ATP2B2: variants seen among roughly 807,000 people sequenced by gnomAD.
The protein encoded by ATP2B2 is plasma membrane calcium-transporting ATPase 2.
Under a neutral mutation model 120.0 loss-of-function variants are expected in ATP2B2, and 15 were observed. The ratio of observed to expected loss-of-function variants is 0.12; its 90% CI spans 0.08 to 0.19. The LOEUF is 0.19. Among genes scored for constraint, ATP2B2 ranks in the 10% least tolerant of loss-of-function variants. The pLI, the probability that ATP2B2 is intolerant of heterozygous loss-of-function variation, is 1.00. For synonymous variants in ATP2B2, 694 were observed against 700.3 expected (o/e 0.99, Z 0.14); for missense variants, 1,045 against 1,719.8 (o/e 0.61, Z 6.94).
At chr3:10,565,040 T>G (rs74727127) in intron 2 of ATP2B2, among the ~76,000 whole-genome samples, 161 of 152,052 alleles carry the variant, frequency 1.1e-3, no homozygotes, top group Admixed American at 2.7e-3. Context: ...CACTGGGGGG[T>G]GTGTGTCTTC....
chr3:10,645,417 G>A (rs559261380), intron 1 of ATP2B2, among the ~76,000 whole-genome samples: 9 of 152,270 alleles, frequency 5.9e-5, no homozygotes, highest in African/African-American at 1.9e-4. Context: ...ATCAGAGAGT[G>A]TCTTTGTTCT....
intron 1 of ATP2B2, among the ~76,000 whole-genome samples, chr3:10,700,837 G>C (rs2071805669): frequency 6.6e-6 from 1 of 152,234 alleles, no homozygotes; most frequent in Non-Finnish European, 1.5e-5. Context: ...GAACCAGACT[G>C]AGGGAGGTTC....
chr3:10,614,595 C>T (rs746470320), intron 2 of ATP2B2, among the ~76,000 whole-genome samples: 15 of 152,128 alleles, frequency 9.9e-5, no homozygotes, highest in East Asian at 3.9e-4. Flanking sequence ...TCTTTTCTCC[C>T]GCATCGTAGT....
At chr3:10,492,410 T>G (rs1366728345) in intron 1 of ATP2B2, among the ~76,000 whole-genome samples, 1 of 152,138 alleles carries the variant, frequency 6.6e-6, no homozygotes, top group African/African-American at 2.4e-5. Flanking sequence ...CCACAAACAA[T>G]GCGACAAAGC....
intron 5 of ATP2B2, among the ~76,000 whole-genome samples, chr3:10,397,568 T>G (rs2062079812): frequency 6.6e-6 from 1 of 151,064 alleles, no homozygotes; most frequent in African/African-American, 2.4e-5. Flanking sequence ...ATGGAGGAGG[T>G]GGGGCTTGAG....
chr3:10,670,473 AGT>A (rs1197861294), intron 1 of ATP2B2, among the ~76,000 whole-genome samples: 1 of 152,304 alleles, frequency 6.6e-6, no homozygotes, highest in East Asian at 1.9e-4. Flanking sequence ...GCTGGAATGC[AGT>A]GGTGTGATCT....
chr3:10,549,663 C>T lies in ATP2B2; in HGVS notation c.-414-15530G>A, dbSNP rs116364819. ...TATTCCTTTCTCTCTCCTTCCCTAC[C>T]TCCCTCTCTCCTTTTCACTTCCTTT... On this transcript the variant is annotated intron_variant, in intron 2 of 21. Coordinates refer to the ATP2B2 transcript ENST00000646379. 2.5e-3 allele frequency among the ~76,000 whole-genome samples: 376 copies of T among 152,162 alleles called. 1 individual carries two copies. Among genetic ancestry groups the T allele is most frequent in the African/African-American group, 8.7e-3 (363 of 41,524 alleles).
At chr3:10,600,913 G>A (rs1415571817) in intron 2 of ATP2B2, among the ~76,000 whole-genome samples, 1 of 151,760 alleles carries the variant, frequency 6.6e-6, no homozygotes, top group Admixed American at 6.5e-5. Context: ...AGTGTTTGGG[G>A]CAGGGCAAGA....
intron 1 of ATP2B2, among the ~76,000 whole-genome samples, chr3:10,467,339 C>T (rs79807153): frequency 0.023 from 3,440 of 152,346 alleles, 58 homozygotes; most frequent in Non-Finnish European, 0.036. Context: ...TGCTTCTCTG[C>T]TTGGTGGACT....
rs539898023 is a variant in ATP2B2 at position 10,347,938 on chromosome 3, C to T, written c.2405-1801G>A. 6.6e-6 allele frequency among the ~76,000 whole-genome samples: 1 copy of T among 152,256 alleles called. No individual in the cohort carries two copies. Among genetic ancestry groups the T allele is most frequent in the East Asian group, 1.9e-4 (1 of 5,172 alleles). Reference sequence around the variant, plus strand: ...CTATTTCCACCATGGACCACACCTTCCTCCTCCACAGGCCTCCTTCCTTGT... The same window carrying T: ...CTATTTCCACCATGGACCACACCTTTCTCCTCCACAGGCCTCCTTCCTTGT... On this transcript the variant is annotated intron_variant, in intron 16 of 22. Coordinates refer to ENST00000360273, the MANE Select transcript of ATP2B2 (RefSeq NM_001001331.4). This position sits in a 1 kb window ranked among gnomAD's most constrained non-coding sequence, Gnocchi z 5.2.
At chr3:10,539,273 A>T (rs943257689) in intron 2 of ATP2B2, among the ~76,000 whole-genome samples, 2 of 152,236 alleles carry the variant, frequency 1.3e-5, no homozygotes, top group Non-Finnish European at 2.9e-5. Context: ...GGAAGAATCA[A>T]TGTCGTGAAA....
intron 2 of ATP2B2, among the ~76,000 whole-genome samples, chr3:10,557,310 T>C (rs1026107916): frequency 2.0e-5 from 3 of 152,146 alleles, no homozygotes; most frequent in African/African-American, 7.2e-5. Flanking sequence ...TTTGAGGACT[T>C]ATAAAAAGTT....
intron 12 of ATP2B2, among the ~76,000 whole-genome samples, chr3:10,370,525 C>T (rs1014310176): frequency 2.6e-5 from 4 of 152,238 alleles, no homozygotes; most frequent in African/African-American, 9.6e-5. Flanking sequence ...CCTACTTTCC[C>T]CGTTGTCAGT....
At position 10,402,304 on chromosome 3, in the gene ATP2B2, C is replaced by T; in HGVS notation, c.442G>A (p.Glu148Lys). The T allele has an allele frequency of 6.2e-7, 1 of 1,614,100 alleles. No individual in the cohort carries two copies. The change falls in exon 4 of 23, where the codon GAG becomes AAG. Residue 148 changes from glutamate (E) to lysine (K), a missense_variant. Glu to Lys is a moderately conservative substitution (Grantham distance 56). Coordinates refer to ENST00000360273, the MANE Select transcript of ATP2B2 (RefSeq NM_001001331.4). The surrounding 1 kb of genome is among the most constrained non-coding windows in gnomAD (Gnocchi z 4.9). ...QGGAEDEGEAEAGWIEGAAIL... is the reference protein window; with the variant it reads ...QGGAEDEGEAKAGWIEGAAIL... Reference sequence around the variant, plus strand: ...GCGGCCCCCTCGATCCAACCTGCCTCTGCCTCTCCTTCATCCTCTGCCCCA... The same window carrying T: ...GCGGCCCCCTCGATCCAACCTGCCTTTGCCTCTCCTTCATCCTCTGCCCCA...
intron 17 of ATP2B2, 152 bp from the exon 18 acceptor site, chr3:10,345,727 C>A: frequency 1.3e-6 from 1 of 778,238 alleles, no homozygotes; most frequent in Non-Finnish European, 2.1e-6. Flanking sequence ...CCACTCTTCA[C>A]GCTCCTCACA....
At chr3:10,572,052 C>T (rs978873792) in intron 2 of ATP2B2, among the ~76,000 whole-genome samples, 1 of 152,190 alleles carries the variant, frequency 6.6e-6, no homozygotes, top group Non-Finnish European at 1.5e-5. Context: ...AATCTAGACT[C>T]TAAGAGGTAC....
chr3:10,441,279 GAGT>G (rs2063655798), intron 2 of ATP2B2, among the ~76,000 whole-genome samples: 2 of 152,074 alleles, frequency 1.3e-5, no homozygotes, highest in African/African-American at 4.8e-5. Context: ...TTTTGAGACA[GAGT>G]CTCACTCTGT....
intron 8 of ATP2B2, among the ~76,000 whole-genome samples, chr3:10,381,727 G>C (rs1353352392): frequency 6.6e-6 from 1 of 152,180 alleles, no homozygotes; most frequent in African/African-American, 2.4e-5. Flanking sequence ...GCTAGGAATG[G>C]GGTCCAAGAC....
chr3:10,390,389 G>C (rs911753855), intron 5 of ATP2B2, among the ~76,000 whole-genome samples: 22 of 152,138 alleles, frequency 1.4e-4, no homozygotes. Flanking sequence ...CAAGGTATCT[G>C]TTTTCACTTT....
Sources: gnomAD v4.1 joint callset for allele counts (sites outside exome capture counted in the v4.1 genomes callset) on GRCh38, gnomAD v4.1.1 for gene constraint, Gnocchi (gnomAD v3.1) non-coding constraint, MANE v1.5 for transcripts, NCBI Gene and HGNC (gene_info 2026-07-23, HGNC 2026-07-21) for gene names.